The following EPHB2 variants were observed in gnomAD, a reference collection of about 807,000 sequenced individuals.
EPHB2 encodes EPH receptor B2.
Under a neutral mutation model 96.4 loss-of-function variants are expected in EPHB2, and 18 were observed. That is an observed-to-expected ratio of 0.19 (90% confidence interval 0.13 to 0.28). EPHB2 has a LOEUF of 0.28. EPHB2 is among the 10% of genes least tolerant of loss of function. The pLI is 1.00. For synonymous variants in EPHB2, 506 were observed against 534.1 expected (o/e 0.95, Z 0.72); for missense variants, 989 against 1,355.4 (o/e 0.73, Z 4.25).
At position 22,827,188 on chromosome 1, in the gene EPHB2, G is replaced by A. The variant is rs145705866; in HGVS notation, c.812-35849G>A. On this transcript the variant is annotated intron_variant, in intron 3 of 15. Coordinates refer to ENST00000374630, the MANE Select transcript of EPHB2 (RefSeq NM_017449.5). Reference sequence around the variant, plus strand: ...TTTCTTCAGATCCAGCTCAGACCAGGCCACCTGCAGAGAGCCCTCCCTGGC... The same window carrying A: ...TTTCTTCAGATCCAGCTCAGACCAGACCACCTGCAGAGAGCCCTCCCTGGC... Among the ~76,000 whole-genome samples, 578 of 152,288 alleles carry A rather than the reference G, an allele frequency of 3.8e-3. 5 individuals carry two copies. The highest frequency in any genetic ancestry group is 5.7e-3 in the Non-Finnish European group (389 of 68,034).
Position 22,800,642 on chromosome 1 carries a change from G to A in EPHB2, c.811+15566G>A, listed in dbSNP as rs913792144. ...TGTGTACATCTGTATATTTTATCAA[G>A]CCAGATGTACGTGAAAATGGGTACT... On this transcript the variant is annotated intron_variant, in intron 3 of 15. Transcript: ENST00000374630. 3.9e-5 allele frequency among the ~76,000 whole-genome samples: 6 copies of A among 152,300 alleles called. No individual in the cohort carries two copies. The South Asian group carries it at 1.0e-3, about 26-fold the overall frequency.
chr1:22,855,070 G>C (rs1335956959), intron 3 of EPHB2, among the ~76,000 whole-genome samples: 1 of 152,212 alleles, frequency 6.6e-6, no homozygotes, highest in East Asian at 1.9e-4. Flanking sequence ...GGAGTCCCAA[G>C]CTGGAAGAAG....
In EPHB2 at chr1:22,784,252, C is replaced by T. The variant is rs1570270649; in HGVS notation, c.127-140C>T. The T allele has an allele frequency of 1.3e-6, 1 of 775,714 alleles. No individual in the cohort carries two copies. Among genetic ancestry groups the T allele is most frequent in the East Asian group, 2.7e-5 (1 of 37,448 alleles). 48.1% of individuals were successfully genotyped at this position (775,714 alleles called of 1,614,324 possible). On this transcript the variant is annotated intron_variant, in intron 2 of 15. Transcript: ENST00000374630. This position sits in a 1 kb window ranked among gnomAD's most constrained non-coding sequence, Gnocchi z 5.1. Reference sequence around the variant, plus strand: ...TCCCACCTGATTGGCATGTCTCCCCCATCAGATTGGGAATTCTCTGATGTC... The same window carrying T: ...TCCCACCTGATTGGCATGTCTCCCCTATCAGATTGGGAATTCTCTGATGTC...
At chr1:22,766,964 G>A (rs931444517) in intron 1 of EPHB2, among the ~76,000 whole-genome samples, 1 of 152,350 alleles carries the variant, frequency 6.6e-6, no homozygotes, top group Non-Finnish European at 1.5e-5. Context: ...CGGCTCTCAT[G>A]TGAACCAGCG....
intron 3 of EPHB2, among the ~76,000 whole-genome samples, chr1:22,792,768 C>T (rs1644712566): frequency 6.6e-6 from 1 of 152,160 alleles, no homozygotes; most frequent in Non-Finnish European, 1.5e-5. Context: ...CATGATGACC[C>T]CTGCCCCCAA....
At chr1:22,742,472 A>ACTTC (rs769267941) in intron 1 of EPHB2, among the ~76,000 whole-genome samples, 98 of 151,810 alleles carry the variant, frequency 6.5e-4, no homozygotes, top group Admixed American at 1.2e-3. Context: ...TTCCAGCCAG[A>ACTTC]CTTCCTTCCT....
At chr1:22,732,341 G>T (rs1336925003) in intron 1 of EPHB2, among the ~76,000 whole-genome samples, 2 of 151,486 alleles carry the variant, frequency 1.3e-5, no homozygotes, top group Admixed American at 1.3e-4. Flanking sequence ...GAAGGTGGGG[G>T]TGGAAACCTG....
At chr1:22,853,008 C>G (rs1171860040) in intron 3 of EPHB2, among the ~76,000 whole-genome samples, 2 of 152,210 alleles carry the variant, frequency 1.3e-5, no homozygotes, top group Non-Finnish European at 2.9e-5. Flanking sequence ...CCAGAGGCCT[C>G]GAGCAAAATC....
At chr1:22,900,544 G>A (rs901030685) in intron 9 of EPHB2, among the ~76,000 whole-genome samples, 1 of 152,160 alleles carries the variant, frequency 6.6e-6, no homozygotes, top group African/African-American at 2.4e-5. Flanking sequence ...CTGTCTGGCT[G>A]AAGAGCTGGC....
In EPHB2 at chr1:22,784,424, G is replaced by A. The variant is rs1266296785; in HGVS notation, c.159G>A (p.Met53Ile). 1.2e-6 allele frequency: 2 copies of A among 1,614,178 alleles called. No individual in the cohort carries two copies. The highest frequency in any genetic ancestry group is 1.1e-5 in the South Asian group (1 of 91,068). The stretch of plus-strand genomic sequence containing the variant: ...AGGTGAGTGGCTACGATGAGAACAT[G>A]AACACGATCCGCACGTACCAGGTGT... ...WEEVSGYDEN[M>I]NTIRTYQVCN... is the part of the protein sequence containing the mutation. The change falls in exon 3 of 16, where the codon ATG (methionine) becomes ATA (isoleucine). Residue 53 changes from methionine (M) to isoleucine (I), a missense_variant. Physicochemically the swap from Met to Ile is conservative, Grantham distance 10. Coordinates refer to ENST00000374630, the MANE Select transcript of EPHB2 (RefSeq NM_017449.5). The surrounding 1 kb of genome is among the most constrained non-coding windows in gnomAD (Gnocchi z 5.1).
chr1:22,833,583 G>C (rs1475975086), intron 3 of EPHB2, among the ~76,000 whole-genome samples: 5 of 152,158 alleles, frequency 3.3e-5, no homozygotes, highest in Admixed American at 3.3e-4. Context: ...TGTTAAAAAT[G>C]ACAGGGTACC....
chr1:22,747,378 G>A (rs1402745397), intron 1 of EPHB2, among the ~76,000 whole-genome samples: 2 of 152,230 alleles, frequency 1.3e-5, no homozygotes, highest in Non-Finnish European at 2.9e-5. Flanking sequence ...GCCCCCAGGT[G>A]GTGAAGTGGC....
chr1:22,859,905 G>C (rs1645766001), intron 3 of EPHB2, among the ~76,000 whole-genome samples: 1 of 152,146 alleles, frequency 6.6e-6, no homozygotes, highest in African/African-American at 2.4e-5. Flanking sequence ...AAGAAGCCCT[G>C]TTCCCCATTA....
chr1:22,754,793 G>A (rs1432623848), intron 1 of EPHB2, among the ~76,000 whole-genome samples: 4 of 125,280 alleles, frequency 3.2e-5, no homozygotes, highest in Non-Finnish European at 5.2e-5. Context: ...AAGAGAGGTC[G>A]ACAGGGGAGG....
intron 1 of EPHB2, among the ~76,000 whole-genome samples, chr1:22,744,996 G>C (rs1643952371): frequency 6.6e-6 from 1 of 152,222 alleles, no homozygotes; most frequent in Non-Finnish European, 1.5e-5. Flanking sequence ...TGGTCTTGCT[G>C]TCTCGAGTGT....
At chr1:22,903,406 G>C (rs1639810788) in intron 9 of EPHB2, among the ~76,000 whole-genome samples, 2 of 152,378 alleles carry the variant, frequency 1.3e-5, no homozygotes, top group South Asian at 4.1e-4. Flanking sequence ...TGAGAAGGCT[G>C]ATGGGGAAAG....
intron 3 of EPHB2, among the ~76,000 whole-genome samples, chr1:22,787,070 C>T (rs1446763656): frequency 3.3e-5 from 5 of 152,198 alleles, no homozygotes; most frequent in Non-Finnish European, 4.4e-5. Context: ...TTATGTTGAG[C>T]ATCAGGCAGT....
chr1:22,904,921 C>T (rs1172917004), intron 9 of EPHB2, among the ~76,000 whole-genome samples: 1 of 152,178 alleles, frequency 6.6e-6, no homozygotes, highest in Non-Finnish European at 1.5e-5. Context: ...TTATGGTGAC[C>T]CAAGGATTTC....
intron 1 of EPHB2, among the ~76,000 whole-genome samples, chr1:22,734,760 T>C (rs1405544669): frequency 6.6e-6 from 1 of 152,182 alleles, no homozygotes; most frequent in Admixed American, 6.5e-5. Flanking sequence ...CTTAATTTCT[T>C]TGGGGTCCTG....
Sources: allele counts gnomAD v4.1 joint callset (sites outside exome capture counted in the v4.1 genomes callset), GRCh38; gene constraint gnomAD v4.1.1; non-coding constraint Gnocchi (gnomAD v3.1); transcripts MANE v1.5; gene names NCBI Gene and HGNC (gene_info 2026-07-23, HGNC 2026-07-21).